TRIM61: variants seen among roughly 807,000 people sequenced by gnomAD.
The protein encoded by TRIM61 is tripartite motif containing 61, also known as putative tripartite motif-containing protein 61.
In TRIM61, 1 loss-of-function variant was observed where a neutral mutation model predicts 14.2. The ratio of observed to expected loss-of-function variants is 0.07; its 90% CI spans 0.03 to 0.33. The LOEUF is 0.33. Ranked by LOEUF, TRIM61 falls within the 10% of genes least tolerant of loss-of-function variation. TRIM61 has a pLI of 0.99. For synonymous variants in TRIM61, 8 were observed against 71.6 expected (o/e 0.11, Z 4.49); for missense variants, 19 against 202.2 (o/e 0.09, Z 5.49).
chr4:164,965,595 G>T (rs1007198556), intron 3 of TRIM61, among the ~76,000 whole-genome samples: 1 of 151,674 alleles, frequency 6.6e-6, no homozygotes, highest in Non-Finnish European at 1.5e-5. Flanking sequence ...CACCAAGCCT[G>T]GCTAATTTTT....
chr4:164,971,224 T>C (rs1035678440), intron 2 of TRIM61, among the ~76,000 whole-genome samples: 3 of 152,148 alleles, frequency 2.0e-5, no homozygotes, highest in Non-Finnish European at 2.9e-5. Context: ...AAAATGCCCT[T>C]GTTGTTAGGA....
chr4:164,972,900 G>A (rs1732400100), intron 2 of TRIM61, among the ~76,000 whole-genome samples: 1 of 152,070 alleles, frequency 6.6e-6, no homozygotes, highest in African/African-American at 2.4e-5. Context: ...CACAAGTCAG[G>A]ACAAAGTTTT....
chr4:164,969,094 T>C (rs911872460), intron 3 of TRIM61: 12 of 1,097,034 alleles, frequency 1.1e-5, no homozygotes, highest in Non-Finnish European at 1.3e-5. Context: ...TACGATGTGC[T>C]GTTTCAGGAT....
intron 3 of TRIM61, among the ~76,000 whole-genome samples, chr4:164,956,544 G>A (rs1483444701): frequency 6.6e-6 from 1 of 152,008 alleles, no homozygotes; most frequent in African/African-American, 2.4e-5. Context: ...AATTTCATCT[G>A]TATATTTCAT....
chr4:164,974,160 GCT>G (rs1732431153), intron 2 of TRIM61, among the ~76,000 whole-genome samples: 1 of 152,096 alleles, frequency 6.6e-6, no homozygotes, highest in Admixed American at 6.5e-5. Flanking sequence ...ACAGAGCAAG[GCT>G]CTGTCTCAAA....
At chr4:164,977,070 G>A (rs1053407025) in intron 1 of TRIM61, among the ~76,000 whole-genome samples, 1 of 152,108 alleles carries the variant, frequency 6.6e-6, no homozygotes, top group Non-Finnish European at 1.5e-5. Flanking sequence ...CATACTGGCT[G>A]ATTCTTAACA....
At chr4:164,957,346 A>T in intron 3 of TRIM61, 1 of 1,614,068 alleles carries the variant, frequency 6.2e-7, no homozygotes, top group South Asian at 1.1e-5. Context: ...CTGTCACGCC[A>T]CCGAAATTGC....
intron 2 of TRIM61, among the ~76,000 whole-genome samples, chr4:164,972,808 T>G (rs1439208632): frequency 6.6e-6 from 1 of 152,174 alleles, no homozygotes; most frequent in Admixed American, 6.5e-5. Context: ...CTTCTTGATA[T>G]CATTTAACTT....
At chr4:164,957,657 T>C (rs755151150) in intron 3 of TRIM61, 15 of 877,522 alleles carry the variant, frequency 1.7e-5, no homozygotes, top group Non-Finnish European at 2.6e-5. Flanking sequence ...GAGATTAAAC[T>C]CTGATTTTGA....
intron 2 of TRIM61, among the ~76,000 whole-genome samples, chr4:164,972,482 A>G (rs1365792367): frequency 7.0e-6 from 1 of 141,906 alleles, no homozygotes; most frequent in African/African-American, 2.5e-5. Context: ...CCCAAATTCA[A>G]GATTTGCCTA....
intron 3 of TRIM61, among the ~76,000 whole-genome samples, chr4:164,963,222 G>C (rs1446730971): frequency 6.6e-6 from 1 of 152,064 alleles, no homozygotes. Context: ...GCCAGCCTGG[G>C]CAATATAGTC....
At chr4:164,968,906 A>C (rs1449923082) in intron 3 of TRIM61, 25 of 990,980 alleles carry the variant, frequency 2.5e-5, no homozygotes, top group Non-Finnish European at 2.9e-5. Context: ...GTCATTACAG[A>C]CACCAAGAAT....
At chr4:164,961,159 A>G (rs796511017) in intron 3 of TRIM61, among the ~76,000 whole-genome samples, 721 of 40,612 alleles carry the variant, frequency 0.018, 7 homozygotes, top group African/African-American at 0.078. Context: ...CAGGCAAAAA[A>G]AAAAAAAAAA....
intron 3 of TRIM61, among the ~76,000 whole-genome samples, chr4:164,956,099 T>A (rs1187801897): frequency 2.6e-5 from 4 of 152,240 alleles, no homozygotes; most frequent in Non-Finnish European, 5.9e-5. Context: ...AAGCTCTCGT[T>A]CTGTCGTCCA....
At chr4:164,965,446 CTTTT>C (rs70952674) in intron 3 of TRIM61, among the ~76,000 whole-genome samples, 18,276 of 126,102 alleles carry the variant, frequency 0.14, 1,447 homozygotes, top group Admixed American at 0.27. Flanking sequence ...TCTGCCTATG[CTTTT>C]TTTTTTTTTT....
chr4:164,957,311 A>G (rs199708688), intron 3 of TRIM61: 174 of 1,613,964 alleles, frequency 1.1e-4, no homozygotes, highest in Non-Finnish European at 9.3e-6. Flanking sequence ...GTGCCCAGAG[A>G]GGAATTTTAG....
At chr4:164,967,261 CTGTTA>C (rs1263204412) in intron 3 of TRIM61, among the ~76,000 whole-genome samples, 3 of 152,166 alleles carry the variant, frequency 2.0e-5, no homozygotes, top group African/African-American at 7.2e-5. Flanking sequence ...AATAGATTCA[CTGTTA>C]TGTCTACTGA....
At chr4:164,965,106 G>A (rs1283989131) in intron 3 of TRIM61, among the ~76,000 whole-genome samples, 1 of 152,078 alleles carries the variant, frequency 6.6e-6, no homozygotes, top group Non-Finnish European at 1.5e-5. Context: ...TGGCCAACAT[G>A]GTGAAACCCC....
chr4:164,959,178 T>G (rs1260600984), intron 3 of TRIM61: 1 of 166,904 alleles, frequency 6.0e-6, no homozygotes, highest in East Asian at 1.9e-4. Context: ...TCTCTAAAGT[T>G]CCTTTCTAAA....
Sources: gnomAD v4.1 joint callset for allele counts (sites outside exome capture counted in the v4.1 genomes callset) on GRCh38, gnomAD v4.1.1 for gene constraint, MANE v1.5 for transcripts, NCBI Gene and HGNC (gene_info 2026-07-23, HGNC 2026-07-21) for gene names.